NRG1: variants seen among roughly 807,000 people sequenced by gnomAD.
NRG1 encodes the protein neuregulin 1, also known as pro-neuregulin-1, membrane-bound isoform.
In NRG1, 18 loss-of-function variants were observed where a neutral mutation model predicts 63.8. The observed-to-expected ratio is 0.28, with a 90% CI of 0.19 to 0.42. The LOEUF (loss-of-function observed/expected upper bound fraction) is 0.42, where lower values mean the gene tolerates loss of function less well. Ranked by LOEUF, NRG1 falls within the 10% of genes least tolerant of loss-of-function variation. NRG1 has a pLI of 1.00. For synonymous variants in NRG1, 302 were observed against 301.3 expected (o/e 1.00, Z -0.02); for missense variants, 762 against 814.7 (o/e 0.94, Z 0.79).
At chr8:32,747,601 A>G (rs1220078854) in intron 7 of NRG1, among the ~76,000 whole-genome samples, 1 of 151,998 alleles carries the variant, frequency 6.6e-6, no homozygotes, top group African/African-American at 2.4e-5. Context: ...TTAATTTATG[A>G]AAAATATAGC....
chr8:32,764,843 G>A (rs1478402040), exon 12 of NRG1: 1 of 154,224 alleles, frequency 6.5e-6, no homozygotes, highest in African/African-American at 2.4e-5. Flanking sequence ...ATCCAGATAT[G>A]CCTCTCTTGT....
chr8:32,051,773 T>A (rs545436177), intron 1 of NRG1, among the ~76,000 whole-genome samples: 6 of 152,110 alleles, frequency 3.9e-5, no homozygotes, highest in Non-Finnish European at 5.9e-5. Context: ...GGAGATTTGC[T>A]GGAGGGCAGG....
chr8:32,663,033 G>A (rs910621370), intron 5 of NRG1, among the ~76,000 whole-genome samples: 5 of 152,120 alleles, frequency 3.3e-5, no homozygotes, highest in Admixed American at 3.3e-4. Context: ...TAGACTACTC[G>A]GTAACACTAT....
At chr8:31,656,459 C>G (rs2130912313) in intron 1 of NRG1, among the ~76,000 whole-genome samples, 1 of 152,292 alleles carries the variant, frequency 6.6e-6, no homozygotes, top group South Asian at 2.1e-4. Context: ...CAGGAGCAGA[C>G]TGAAGTACTA....
At chr8:31,796,412 A>ATTTTTTTT (rs1273292685) in intron 1 of NRG1, among the ~76,000 whole-genome samples, 1 of 92,644 alleles carries the variant, frequency 1.1e-5, no homozygotes, top group Non-Finnish European at 2.2e-5. Context: ...ATGGCGTATA[A>ATTTTTTTT]TCTTTTTTTT....
intron 1 of NRG1, among the ~76,000 whole-genome samples, chr8:32,418,950 C>G (rs1441997177): frequency 6.6e-6 from 1 of 152,160 alleles, no homozygotes; most frequent in Non-Finnish European, 1.5e-5. Context: ...CAGAATACAT[C>G]TTACAATTAA....
chr8:31,717,182 G>A (rs955947678), intron 1 of NRG1, among the ~76,000 whole-genome samples: 3 of 152,072 alleles, frequency 2.0e-5, no homozygotes, highest in African/African-American at 7.2e-5. Context: ...TGAGGCAGGT[G>A]GATCACTTGA....
At chr8:32,476,532 G>A (rs1824539858) in intron 1 of NRG1, among the ~76,000 whole-genome samples, 1 of 152,146 alleles carries the variant, frequency 6.6e-6, no homozygotes, top group Non-Finnish European at 1.5e-5. Context: ...TTTTATGGGT[G>A]GGGACCATGT....
intron 1 of NRG1, among the ~76,000 whole-genome samples, chr8:31,963,540 A>T (rs1283861404): frequency 6.6e-6 from 1 of 152,212 alleles, no homozygotes; most frequent in African/African-American, 2.4e-5. Flanking sequence ...TGCATAATTT[A>T]AATTAACTTG....
chr8:31,741,023 G>A (rs1421747634), intron 1 of NRG1, among the ~76,000 whole-genome samples: 1 of 151,998 alleles, frequency 6.6e-6, no homozygotes, highest in East Asian at 1.9e-4. Flanking sequence ...ATGCACCATG[G>A]AATACTACAT....
chr8:32,734,126 C>T (rs971251043), intron 6 of NRG1, among the ~76,000 whole-genome samples: 2 of 152,052 alleles, frequency 1.3e-5, no homozygotes, highest in Non-Finnish European at 2.9e-5. Context: ...TTTAGGGAAG[C>T]GAGTCTTCCT....
In NRG1 at chr8:32,233,563, A is replaced by ATATATATATAT. The variant is rs34593729; in HGVS notation, c.38-362264_38-362263insATATATATATT. ...TATATATATATATATATATATATATATTTTTTTTTTTTTTTCTTTTGAAAC... is the reference window on the plus strand; with the variant it reads ...TATATATATATATATATATATATATATATATATATATTTTTTTTTTTTTTTTCTTTTGAAAC... On this transcript the variant is annotated intron_variant, in intron 1 of 10. Transcript: ENST00000519301. Among the ~76,000 whole-genome samples the ATATATATATAT allele has an allele frequency of 5.7e-3, 386 of 67,184 alleles. 6 individuals carry two copies. The highest frequency in any genetic ancestry group is 0.013 in the South Asian group (21 of 1,676). The allele number at this position is 67,184 out of a possible 152,430, so 44.1% of individuals were successfully genotyped here. A position where few individuals can be genotyped will look rare whatever the true frequency, so the allele number is the denominator to read the frequency against.
rs909163535 is a variant in NRG1 at position 32,147,939 on chromosome 8, A to G, written c.38-447889A>G. Among the ~76,000 whole-genome samples, 3 of 152,320 alleles carry G rather than the reference A, an allele frequency of 2.0e-5. No homozygotes were observed. The South Asian group carries it at 6.2e-4, about 32-fold the overall frequency. ...GTGTAATTTACCCCTCTCCAAAAAT[A>G]AAACTTATAAAATGGGGATGATAAC... On this transcript the variant is annotated intron_variant, in intron 1 of 10. Coordinates refer to the NRG1 transcript ENST00000519301.
chr8:32,025,987 A>G (rs1817247046), intron 1 of NRG1, among the ~76,000 whole-genome samples: 1 of 150,932 alleles, frequency 6.6e-6, no homozygotes, highest in Admixed American at 6.6e-5. Context: ...CACAGGTCTC[A>G]GGTCCTCTTT....
At chr8:32,185,885 G>A (rs1841915426) in intron 1 of NRG1, among the ~76,000 whole-genome samples, 1 of 152,142 alleles carries the variant, frequency 6.6e-6, no homozygotes, top group Non-Finnish European at 1.5e-5. Context: ...GAGTTTAATT[G>A]TATGCCATCC....
intron 1 of NRG1, among the ~76,000 whole-genome samples, chr8:31,672,621 A>T (rs560891279): frequency 1.3e-5 from 2 of 152,136 alleles, no homozygotes; most frequent in East Asian, 3.9e-4. Flanking sequence ...TGATAACTTA[A>T]TATTGGCTGA....
At chr8:32,507,459 G>C (rs1407513817) in intron 1 of NRG1, among the ~76,000 whole-genome samples, 1 of 152,170 alleles carries the variant, frequency 6.6e-6, no homozygotes, top group Non-Finnish European at 1.5e-5. Flanking sequence ...ACTTACAGAG[G>C]CATTTCAACT....
intron 1 of NRG1, among the ~76,000 whole-genome samples, chr8:31,837,286 G>C (rs979296151): frequency 2.6e-5 from 4 of 151,798 alleles, no homozygotes; most frequent in Admixed American, 2.6e-4. Flanking sequence ...TCCTTTTATA[G>C]CTTCTGGTTT....
At chr8:31,992,853 G>A (rs942713393) in intron 1 of NRG1, among the ~76,000 whole-genome samples, 4 of 151,986 alleles carry the variant, frequency 2.6e-5, no homozygotes, top group Admixed American at 6.6e-5. Context: ...GAATAAATGA[G>A]TAGAGAAGCA....
Sources: allele counts gnomAD v4.1 joint callset (sites outside exome capture counted in the v4.1 genomes callset), GRCh38; gene constraint gnomAD v4.1.1; transcripts MANE v1.5; gene names NCBI Gene and HGNC (gene_info 2026-07-23, HGNC 2026-07-21).